Variants in GALNT17 observed in about 807,000 individuals in gnomAD.
The protein encoded by GALNT17 is polypeptide N-acetylgalactosaminyltransferase 17.
In GALNT17, 29 loss-of-function variants were observed where a neutral mutation model predicts 63.7. The observed-to-expected ratio is 0.46, with a 90% CI of 0.34 to 0.62. GALNT17 has a LOEUF of 0.62. Among genes scored for constraint, GALNT17 ranks in the 20% least tolerant of loss-of-function variants. The pLI, the probability that GALNT17 is intolerant of heterozygous loss-of-function variation, is 0.01. For missense variants in GALNT17, 603 were observed against 799.6 expected (o/e 0.75, Z 2.97); for synonymous variants, 305 against 318.3 (o/e 0.96, Z 0.45).
chr7:71,506,473 G>A (rs960070664), intron 5 of GALNT17, among the ~76,000 whole-genome samples: 5 of 151,994 alleles, frequency 3.3e-5, no homozygotes, highest in Admixed American at 2.6e-4. Flanking sequence ...CACCATATTG[G>A]CCAGGCTGGT....
chr7:71,586,096 G>A (rs978745377), intron 6 of GALNT17, among the ~76,000 whole-genome samples: 6 of 108,098 alleles, frequency 5.6e-5, no homozygotes, highest in Non-Finnish European at 1.0e-4. Context: ...TAGTGTAGAC[G>A]AGGTGTCACC....
intron 1 of GALNT17, among the ~76,000 whole-genome samples, chr7:71,202,394 G>C (rs1789191959): frequency 6.6e-6 from 1 of 152,086 alleles, no homozygotes; most frequent in South Asian, 2.1e-4. Context: ...TGTGAAGTCT[G>C]CATTGTTTTA....
chr7:71,358,634 G>A (rs2116218354), intron 2 of GALNT17, among the ~76,000 whole-genome samples: 1 of 152,180 alleles, frequency 6.6e-6, no homozygotes, highest in African/African-American at 2.4e-5. Context: ...GTAGTTTGTG[G>A]TTTTCTACTT....
intron 2 of GALNT17, among the ~76,000 whole-genome samples, chr7:71,381,442 G>A (rs1179841181): frequency 1.3e-5 from 2 of 152,140 alleles, no homozygotes; most frequent in Non-Finnish European, 2.9e-5. Flanking sequence ...AGAGGACAGT[G>A]AAGGGTAATG....
At chr7:71,365,261 A>G (rs1460242142) in intron 2 of GALNT17, among the ~76,000 whole-genome samples, 1 of 151,816 alleles carries the variant, frequency 6.6e-6, no homozygotes, top group Non-Finnish European at 1.5e-5. Flanking sequence ...GTTTTTTTGA[A>G]ACAGAGTCTC....
intron 2 of GALNT17, among the ~76,000 whole-genome samples, chr7:71,354,680 C>G (rs1237527009): frequency 1.3e-5 from 2 of 152,134 alleles, no homozygotes; most frequent in Non-Finnish European, 2.9e-5. Flanking sequence ...CATTCTCTCT[C>G]TCTCTGCTTT....
chr7:71,353,963 G>A lies in GALNT17; in HGVS notation c.422+18230G>A, dbSNP rs1322849984. Among the ~76,000 whole-genome samples the A allele has an allele frequency of 4.6e-5, 7 of 152,132 alleles. 1 individual carries two copies. In the South Asian group the frequency reaches 1.0e-3, roughly 23 times the overall value. ...GCCTCAGGAAACTTACAATTGTGGCGGAAGATGAAGGGGAAGAAAGGTTTC... is the reference window on the plus strand; with the variant it reads ...GCCTCAGGAAACTTACAATTGTGGCAGAAGATGAAGGGGAAGAAAGGTTTC... On this transcript the variant is annotated intron_variant, in intron 2 of 10. Coordinates refer to ENST00000333538, the MANE Select transcript of GALNT17 (RefSeq NM_022479.3).
intron 6 of GALNT17, among the ~76,000 whole-genome samples, chr7:71,662,887 T>C (rs908674640): frequency 6.6e-6 from 1 of 152,238 alleles, no homozygotes; most frequent in African/African-American, 2.4e-5. Flanking sequence ...AGTTAATTTT[T>C]TATATGGTGT....
At chr7:71,548,071 T>TAA (rs1199624081) in intron 5 of GALNT17, among the ~76,000 whole-genome samples, 1 of 150,960 alleles carries the variant, frequency 6.6e-6, no homozygotes, top group African/African-American at 2.5e-5. Flanking sequence ...TTACCAAAAA[T>TAA]AAAAAATTTT....
At chr7:71,321,923 C>CTT (rs1455017909) in intron 1 of GALNT17, among the ~76,000 whole-genome samples, 856 of 47,062 alleles carry the variant, frequency 0.018, 61 homozygotes, top group African/African-American at 0.067. Flanking sequence ...TCCTTCCTTC[C>CTT]CCTCCCTCCC....
intron 1 of GALNT17, among the ~76,000 whole-genome samples, chr7:71,159,504 T>G (rs1788300417): frequency 1.3e-5 from 2 of 151,276 alleles, no homozygotes; most frequent in Admixed American, 1.3e-4. Flanking sequence ...TAACTGGCTT[T>G]CTTTTCTCAC....
chr7:71,146,963 A>G (rs1294078193), intron 1 of GALNT17, among the ~76,000 whole-genome samples: 1 of 152,154 alleles, frequency 6.6e-6, no homozygotes, highest in Non-Finnish European at 1.5e-5. Flanking sequence ...TTGTGTGATT[A>G]GTGTTTACTG....
At chr7:71,193,215 G>A (rs1788985941) in intron 1 of GALNT17, among the ~76,000 whole-genome samples, 1 of 151,630 alleles carries the variant, frequency 6.6e-6, no homozygotes, top group Non-Finnish European at 1.5e-5. Flanking sequence ...CCTCCTACCT[G>A]AGCCTCCTGA....
chr7:71,227,744 G>T (rs1362285706), intron 1 of GALNT17, among the ~76,000 whole-genome samples: 1 of 151,986 alleles, frequency 6.6e-6, no homozygotes, highest in East Asian at 1.9e-4. Flanking sequence ...TTCTAATGAG[G>T]GTCAGCTGCA....
intron 1 of GALNT17, among the ~76,000 whole-genome samples, chr7:71,217,140 G>GTTTTTTTTTTTTTTTTTTTTTTT: frequency 1.1e-5 from 1 of 95,216 alleles, no homozygotes. Flanking sequence ...ATTTTTTCGT[G>GTTTTTTTTTTTTTTTTTTTTTTT]TTTTGTTTTT....
At chr7:71,475,387 G>A (rs1169480987) in intron 5 of GALNT17, among the ~76,000 whole-genome samples, 1 of 152,162 alleles carries the variant, frequency 6.6e-6, no homozygotes, top group East Asian at 1.9e-4. Context: ...CCCTTCTGGG[G>A]GTGATGGGAG....
At chr7:71,679,766 A>G (rs945971884) in intron 9 of GALNT17, among the ~76,000 whole-genome samples, 4 of 151,916 alleles carry the variant, frequency 2.6e-5, no homozygotes, top group African/African-American at 9.7e-5. Context: ...GGGCAGCAGA[A>G]TCGTCCCCAA....
chr7:71,388,199 C>T, intron 2 of GALNT17, 36 bp from the exon 3 acceptor site: 2 of 1,602,360 alleles, frequency 1.2e-6, no homozygotes, highest in South Asian at 1.1e-5. Flanking sequence ...TTTTATCCTT[C>T]CTCTGACTCT....
chr7:71,572,947 T>C (rs11773571), intron 6 of GALNT17, among the ~76,000 whole-genome samples: 51,075 of 152,004 alleles, frequency 0.34, 8,724 homozygotes, highest in African/African-American at 0.37. Flanking sequence ...TACGACCAGA[T>C]TGTGGGATCA....
Sources: allele counts gnomAD v4.1 joint callset (sites outside exome capture counted in the v4.1 genomes callset), GRCh38; gene constraint gnomAD v4.1.1; transcripts MANE v1.5; gene names NCBI Gene and HGNC (gene_info 2026-07-23, HGNC 2026-07-21).